The following MRC2 variants were observed in gnomAD, a reference collection of about 807,000 sequenced individuals.
The protein encoded by MRC2 is mannose receptor C-type 2, also known as C-type mannose receptor 2.
A neutral mutation model predicts 206.2 loss-of-function variants in MRC2; 84 were observed. The ratio of observed to expected loss-of-function variants is 0.41; its 90% CI spans 0.34 to 0.49. The LOEUF is 0.49. Ranked by LOEUF, MRC2 falls within the 20% of genes least tolerant of loss-of-function variation. The pLI, the probability that MRC2 is intolerant of heterozygous loss-of-function variation, is 0.31. For synonymous variants in MRC2, 798 were observed against 800.0 expected (o/e 1.00, Z 0.04); for missense variants, 1,676 against 2,001.5 (o/e 0.84, Z 3.10).
chr17:62,666,335 C>CGGGGCCCA lies in MRC2; in HGVS notation c.694+72_694+79dup. 6.4e-7 allele frequency: 1 copy of CGGGGCCCA among 1,558,754 alleles called. No homozygotes were observed. Among genetic ancestry groups the CGGGGCCCA allele is most frequent in the Non-Finnish European group, 8.6e-7 (1 of 1,156,146 alleles). ...GAGGGAGGCTGGTGCTGAGGGGCCC[C>CGGGGCCCA]GGGGCCCAGGGTGAGATACTGCCCC... On this transcript the variant is annotated intron_variant, in intron 3 of 29. Transcript: ENST00000303375. The surrounding 1 kb of genome is among the most constrained non-coding windows in gnomAD (Gnocchi z 5.0).
At chr17:62,663,959 T>C (rs915206201) in intron 1 of MRC2, among the ~76,000 whole-genome samples, 10 of 107,748 alleles carry the variant, frequency 9.3e-5, no homozygotes, top group Non-Finnish European at 1.3e-4. Flanking sequence ...TTGGGTTTGC[T>C]TTTTTTTTTT....
At chr17:62,645,574 C>T (rs1476739263) in intron 1 of MRC2, among the ~76,000 whole-genome samples, 2 of 114,208 alleles carry the variant, frequency 1.8e-5, no homozygotes, top group African/African-American at 6.6e-5. Flanking sequence ...TGCTCTGTTG[C>T]CCAGGCTGGA....
Position 62,679,862 on chromosome 17 carries a change from C to A in MRC2, c.2258C>A (p.Pro753His). 6.2e-7 allele frequency: 1 copy of A among 1,613,818 alleles called. No homozygotes were observed. The highest frequency in any genetic ancestry group is 8.5e-7 in the Non-Finnish European group (1 of 1,179,996). ...WFWIGLNRRDPRGGQSWRWSD... is the reference protein window; with the variant it reads ...WFWIGLNRRDHRGGQSWRWSD... ...TGGATCGGCCTGAACCGTCGGGATC[C>A]CAGAGGGGGTCAGAGTTGGCGCTGG... The change falls in exon 14 of 30, where the codon CCC (proline) becomes CAC (histidine). Residue 753 changes from proline to histidine, a missense_variant. Around this residue, in one of 3 missense-constraint regions of MRC2, gnomAD observed 1,354 missense variants for 1,636.6 expected, o/e 0.83. Coordinates refer to ENST00000303375, the MANE Select transcript of MRC2 (RefSeq NM_006039.5).
intron 1 of MRC2, among the ~76,000 whole-genome samples, chr17:62,633,740 C>T (rs2088275662): frequency 7.0e-6 from 1 of 142,952 alleles, no homozygotes; most frequent in Non-Finnish European, 1.5e-5. Flanking sequence ...ACTGGGCAGG[C>T]TGAGATGGGA....
chr17:62,636,782 T>C (rs2147430996), intron 1 of MRC2, among the ~76,000 whole-genome samples: 1 of 152,242 alleles, frequency 6.6e-6, no homozygotes, highest in South Asian at 2.1e-4. Flanking sequence ...GTCGTTGTTT[T>C]TTAACTAAAG....
intron 10 of MRC2, among the ~76,000 whole-genome samples, 167 bp downstream of exon 10, chr17:62,676,072 C>T (rs1411365854): frequency 6.6e-6 from 1 of 152,212 alleles, no homozygotes; most frequent in East Asian, 1.9e-4. Flanking sequence ...GAATGACTCT[C>T]ACTTGTTAAG....
rs1002130488 is a variant in MRC2 at position 62,629,583 on chromosome 17, C to T, written c.118+1663C>T. Among the ~76,000 whole-genome samples, 6 of 152,186 alleles carry T rather than the reference C, an allele frequency of 3.9e-5. No homozygotes were observed. The East Asian group carries it at 9.6e-4, about 24-fold the overall frequency. On this transcript the variant is annotated intron_variant, in intron 1 of 29. Transcript: ENST00000303375. ...GTGAGGTCTTCCAGCAGCAGCTGAG[C>T]AGGAGGAGGATGGAGCTGCTGCAGG...
At chr17:62,645,223 G>C (rs2088460632) in intron 1 of MRC2, among the ~76,000 whole-genome samples, 1 of 151,918 alleles carries the variant, frequency 6.6e-6, no homozygotes, top group Non-Finnish European at 1.5e-5. Context: ...TTTACATAAA[G>C]TAAGCCAGGG....
rs149024448 is a variant in MRC2 at position 62,689,755 on chromosome 17, G to A, written c.3568G>A (p.Glu1190Lys). The A allele has an allele frequency of 3.9e-6, 6 of 1,542,938 alleles. No homozygotes were observed. Among genetic ancestry groups the A allele is most frequent in the South Asian group, 3.6e-5 (3 of 83,046 alleles). Residue 1190 changes from glutamate to lysine, a missense_variant, in exon 24 of 30, where the codon GAG becomes AAG. Physicochemically the swap from Glu to Lys is moderately conservative, Grantham distance 56. Transcript: ENST00000303375. Reference sequence around the variant, plus strand: ...GCCGCTCTGGATTGGGCTGGCTGGCGAGGAGGTGGGCTCCCGACACTTTTG... The same window carrying A: ...GCCGCTCTGGATTGGGCTGGCTGGCAAGGAGGTGGGCTCCCGACACTTTTG... ...RTPLWIGLAG[E>K]EGSRRYSWVS...
In MRC2 at chr17:62,627,677, C is replaced by T. The variant is rs2084178438; in HGVS notation, c.-126C>T. ...TCCTCCTCCCCGGGAGGCATCACTT[C>T]GTCCCGACCCGGAGGAGGACGCGAG... On this transcript the variant is annotated 5_prime_UTR_variant, in exon 1 of 30. Transcript: ENST00000303375. 1.6e-6 allele frequency: 1 copy of T among 633,886 alleles called. No individual in the cohort carries two copies. Among genetic ancestry groups the T allele is most frequent in the Non-Finnish European group, 2.4e-6 (1 of 425,128 alleles). 39.3% of individuals were successfully genotyped at this position (633,886 alleles called of 1,614,324 possible).
intron 1 of MRC2, among the ~76,000 whole-genome samples, chr17:62,663,556 C>G (rs2088706281): frequency 6.6e-6 from 1 of 152,130 alleles, no homozygotes; most frequent in Non-Finnish European, 1.5e-5. Flanking sequence ...ATTTCTTACT[C>G]TGTAAAGTGG....
At chr17:62,649,455 G>T (rs1356543727) in intron 1 of MRC2, among the ~76,000 whole-genome samples, 1 of 152,176 alleles carries the variant, frequency 6.6e-6, no homozygotes, top group Non-Finnish European at 1.5e-5. Flanking sequence ...GCGAGGCATG[G>T]TGGTGGGCGC....
At chr17:62,658,654 G>C (rs2088645730) in intron 1 of MRC2, among the ~76,000 whole-genome samples, 1 of 152,260 alleles carries the variant, frequency 6.6e-6, no homozygotes, top group South Asian at 2.1e-4. Flanking sequence ...GGCTGGGGAG[G>C]AGAGGAAGAT....
intron 1 of MRC2, among the ~76,000 whole-genome samples, chr17:62,642,392 C>T (rs979008060): frequency 1.3e-5 from 2 of 152,188 alleles, no homozygotes; most frequent in African/African-American, 2.4e-5. Flanking sequence ...TGTTCCCTTA[C>T]GCTAACTTTG....
intron 8 of MRC2, among the ~76,000 whole-genome samples, chr17:62,673,718 C>T (rs1287745590): frequency 6.6e-6 from 1 of 152,162 alleles, no homozygotes; most frequent in East Asian, 1.9e-4. Flanking sequence ...CCATGTTGGC[C>T]AGGCTGGTCT....
Position 62,671,990 on chromosome 17 carries a change from AC to A in MRC2, c.1307-3del, listed in dbSNP as rs780759638. 6 of 1,613,538 alleles carry A rather than the reference AC, an allele frequency of 3.7e-6. No homozygotes were observed. In the East Asian group the frequency reaches 6.7e-5, roughly 18 times the overall value. ...TTTCTCTCCCCTCCTCTCCTGCTGC[AC>A]CCCCAGAGGTGGAGGAGCTGTGGAT... On this transcript the variant is annotated splice_region_variant and splice_polypyrimidine_tract_variant and intron_variant, in intron 7 of 29. Transcript: ENST00000303375. The surrounding 1 kb of genome is among the most constrained non-coding windows in gnomAD (Gnocchi z 4.5).
intron 12 of MRC2, 68 bp downstream of exon 12, chr17:62,677,554 G>A: frequency 7.3e-7 from 1 of 1,372,654 alleles, no homozygotes; most frequent in Non-Finnish European, 9.9e-7. Context: ...TTTGGATGGA[G>A]GTCCCAGTGG....
intron 11 of MRC2, 129 bp from the exon 12 acceptor site, chr17:62,677,140 G>A (rs577192858): frequency 8.4e-6 from 6 of 711,390 alleles, no homozygotes; most frequent in African/African-American, 1.8e-5. Context: ...ACCCCAGAGA[G>A]CATGTCTCTG....
At chr17:62,635,191 CTTTTTTTTT>C (rs35446845) in intron 1 of MRC2, among the ~76,000 whole-genome samples, 5 of 101,764 alleles carry the variant, frequency 4.9e-5, no homozygotes, top group Non-Finnish European at 5.8e-5. Context: ...CTATTTTTCT[CTTTTTTTTT>C]TTTTTTTTTT....
Sources: allele counts gnomAD v4.1 joint callset (sites outside exome capture counted in the v4.1 genomes callset), GRCh38; gene constraint gnomAD v4.1.1; regional missense constraint gnomAD v4.1.1; non-coding constraint Gnocchi (gnomAD v3.1); transcripts MANE v1.5; gene names NCBI Gene and HGNC (gene_info 2026-07-23, HGNC 2026-07-21).